NPC1: variants seen among roughly 807,000 people sequenced by gnomAD.
NPC1 encodes NPC intracellular cholesterol transporter 1.
In NPC1, 85 loss-of-function variants were observed where a neutral mutation model predicts 140.4. The observed-to-expected ratio is 0.61, with a 90% confidence interval of 0.51 to 0.72. The LOEUF is 0.72. Ranked by LOEUF, NPC1 falls within the 30% of genes least tolerant of loss-of-function variation. The pLI, the probability that NPC1 is intolerant of heterozygous loss-of-function variation, is 0.00. For synonymous variants in NPC1, 656 were observed against 624.8 expected, an observed-to-expected ratio of 1.05 and a Z score of -0.74; for missense variants, 1,504 against 1,623.8, an observed-to-expected ratio of 0.93 and a Z score of 1.27.
chr18:23,526,141 G>A (rs150805241), downstream of NPC1, among the ~76,000 whole-genome samples: 1 of 152,360 alleles, frequency 6.6e-6, no homozygotes, highest in African/African-American at 2.4e-5. Flanking sequence ...GATGCTGGCA[G>A]TGTGGGTGAT....
At chr18:23,527,653 A>G (rs541824187), downstream of NPC1, 2 of 216,104 alleles carry the variant, frequency 9.3e-6, no homozygotes, top group South Asian at 8.5e-5. Flanking sequence ...TCTAGCTGTC[A>G]GGTCTTTAAA....
chr18:23,560,449 G>A lies in NPC1; in HGVS notation c.663C>T (p.Asn221=), dbSNP rs2059022151. ...DFPVHGMEPM[N]NATKGCDESV... ...ACTCGTCACAGCCTTTGGTGGCATT[G>A]TTCATGGGCTCCATCCCATGGACTG... is the stretch of plus-strand genomic sequence containing the variant. The change falls in exon 6 of 25, where the codon AAC becomes AAT. Residue 221 remains asparagine, a synonymous_variant. Transcript: ENST00000269228. 1.2e-6 allele frequency: 2 copies of A among 1,614,022 alleles called. No homozygotes were observed. Among genetic ancestry groups the A allele is most frequent in the African/African-American group, 2.7e-5 (2 of 74,910 alleles).
rs2058504313 is a variant in NPC1, at chr18:23,531,469, C to A, written c.*733G>T. The A allele has an allele frequency of 7.2e-7, 1 of 1,395,728 alleles. No homozygotes were observed. The allele number at this position is 1,395,728 out of a possible 1,614,324, so 86.5% of individuals were successfully genotyped here. On this transcript the variant is annotated 3_prime_UTR_variant, in exon 25 of 25. Transcript: ENST00000269228. ...TCTTCCATTTAGCTTTTGTATTTGT[C>A]TCTCAAAGCAGATAGGGTAACCCCA... is the stretch of plus-strand genomic sequence containing the variant.
At chr18:23,550,479 C>CTATTTTTTTTTTTTTTTT (rs2058853344) in intron 10 of NPC1, among the ~76,000 whole-genome samples, 2 of 74,920 alleles carry the variant, frequency 2.7e-5, no homozygotes, top group African/African-American at 6.5e-5. Context: ...TCTTACATTT[C>CTATTTTTTTTTTTTTTTT]TTTTTTTTTT....
chr18:23,570,986 G>C (rs562240498), intron 3 of NPC1, among the ~76,000 whole-genome samples: 33 of 152,272 alleles, frequency 2.2e-4, no homozygotes, highest in African/African-American at 7.5e-4. Context: ...ACTGCATGAT[G>C]AGAGTCTCAG....
At chr18:23,532,695 C>CTTTTTTT (rs61493442) in intron 24 of NPC1, among the ~76,000 whole-genome samples, 6 of 136,838 alleles carry the variant, frequency 4.4e-5, no homozygotes, top group Admixed American at 7.4e-5. Flanking sequence ...GTGCTCATCT[C>CTTTTTTT]TTTTTTTTTT....
In NPC1 at chr18:23,532,235, T is replaced by C. The variant is rs1280300361; in HGVS notation, c.3804A>G (p.Lys1268=). 3.1e-6 allele frequency: 5 copies of C among 1,614,080 alleles called. No homozygotes were observed. Among genetic ancestry groups the C allele is most frequent in the Non-Finnish European group, 4.2e-6 (5 of 1,180,046 alleles). Residue 1268 remains lysine, a synonymous_variant, in exon 25 of 25, where the codon AAA becomes AAG. Transcript: ENST00000269228. ...AKSCATEERY[K]GTERERLLNF ...TTAGAAGCCGTTCGCGCTCTGTTCC[T>C]TTGTATCGCTCTTCAGTGGCACAAC...
chr18:23,559,830 T>A (rs928689263), intron 6 of NPC1, among the ~76,000 whole-genome samples: 13 of 152,088 alleles, frequency 8.5e-5, no homozygotes, highest in Admixed American at 2.6e-4. Context: ...TGGTGGCGGA[T>A]GCCTGTAATC....
At chr18:23,510,670 A>T (rs1313807642) in intron 3 of NPC1, among the ~76,000 whole-genome samples, 4 of 152,232 alleles carry the variant, frequency 2.6e-5, no homozygotes, top group Non-Finnish European at 4.4e-5. Context: ...TGGGCAAAGG[A>T]CATGAGCAGA....
At chr18:23,566,574 T>C (rs1299846881) in intron 4 of NPC1, among the ~76,000 whole-genome samples, 1 of 95,272 alleles carries the variant, frequency 1.0e-5, no homozygotes, top group Non-Finnish European at 2.0e-5. Context: ...GTGAGGCCCG[T>C]CTCTTCCAAA....
rs1782029296 is a variant in NPC1 at position 23,560,567 on chromosome 18, T to C, written c.632-87A>G. The C allele has an allele frequency of 5.2e-6, 7 of 1,340,612 alleles. No individual in the cohort carries two copies. In the South Asian group the frequency reaches 8.9e-5, roughly 17 times the overall value. 83.0% of individuals were successfully genotyped at this position (1,340,612 alleles called of 1,614,324 possible). On this transcript the variant is annotated intron_variant, in intron 5 of 24. Coordinates refer to ENST00000269228, the MANE Select transcript of NPC1 (RefSeq NM_000271.5). ...TACTTAAACTCAAAGAAAAGCCCACTGAAATACATAAAACAACTGAAAGAA... is the reference window on the plus strand; with the variant it reads ...TACTTAAACTCAAAGAAAAGCCCACCGAAATACATAAAACAACTGAAAGAA...
chr18:23,538,703 AG>A (rs1390256491), intron 19 of NPC1, 32 bp from the exon 20 acceptor site: 1 of 1,612,416 alleles, frequency 6.2e-7, no homozygotes, highest in African/African-American at 1.3e-5. Flanking sequence ...GACTGTTAGA[AG>A]AATAGGTCTC....
At chr18:23,543,348 A>AG in intron 14 of NPC1, 107 bp downstream of exon 14, 124 of 343,764 alleles carry the variant, frequency 3.6e-4, no homozygotes, top group East Asian at 6.2e-4. Flanking sequence ...AAAAAAAAAG[A>AG]AAAAAAAAAA....
Position 23,531,765 on chromosome 18 carries a change from G to A in NPC1, c.*437C>T. The stretch of plus-strand genomic sequence containing the variant: ...AAAGTTAATTTATTGCATTAATAAA[G>A]CTCTTTAAACTATAAAATGTTATAA... On this transcript the variant is annotated 3_prime_UTR_variant, in exon 25 of 25. Transcript: ENST00000269228. 6 of 1,581,810 alleles carry A rather than the reference G, an allele frequency of 3.8e-6. No homozygotes were observed. The highest frequency in any genetic ancestry group is 4.3e-6 in the Non-Finnish European group (5 of 1,168,996).
At chr18:23,520,042 A>C (rs1364382110), downstream of NPC1, among the ~76,000 whole-genome samples, 1 of 152,210 alleles carries the variant, frequency 6.6e-6, no homozygotes, top group Non-Finnish European at 1.5e-5. Flanking sequence ...GAGAGTTGTG[A>C]TGTTAATGAC....
At chr18:23,529,502 G>C (rs1652376), downstream of NPC1, 1 of 1,236,088 alleles carries the variant, frequency 8.1e-7, no homozygotes, top group African/African-American at 1.5e-5. Context: ...CTGGAGCGAT[G>C]TGTGCAAAAC....
In NPC1 at chr18:23,544,403, G is replaced by C. The variant is rs2058754429; in HGVS notation, c.2071C>G (p.Pro691Ala). 6.2e-6 allele frequency: 10 copies of C among 1,614,152 alleles called. No individual in the cohort carries two copies. Among genetic ancestry groups the C allele is most frequent in the Non-Finnish European group, 8.5e-6 (10 of 1,180,016 alleles). ...ACTCCAACAGCCAGCACCAGGAACG[G>C]GATGACTTCAATCACAATGAGGGTC... The part of the protein sequence containing the change: ...PLTLIVIEVI[P>A]FLVLAVGVDN... Residue 691 changes from proline (P) to alanine (A), a missense_variant, in exon 13 of 25, where the codon CCG (proline) becomes GCG (alanine). Transcript: ENST00000269228.
intron 4 of NPC1, among the ~76,000 whole-genome samples, chr18:23,564,745 AAT>A (rs2059097688): frequency 6.6e-6 from 1 of 152,228 alleles, no homozygotes; most frequent in Admixed American, 6.5e-5. Flanking sequence ...TCAAGTGCCA[AAT>A]ATGAGGCCAT....
In NPC1 at chr18:23,545,064, G is replaced by A. The variant is rs745777805; in HGVS notation, c.1843C>T (p.Arg615Cys). Residue 615 changes from arginine to cysteine, a missense_variant, in exon 12 of 25, where the codon CGT (arginine) becomes TGT (cysteine). Arg to Cys is a radical substitution (Grantham distance 180, BLOSUM62 -3). Transcript: ENST00000269228. Reference protein sequence around the residue: ...AERSIEDELNRESDSDVFTVV... With the variant: ...AERSIEDELNCESDSDVFTVV... ...GTGAAGACATCACTGTCACTTTCAC[G>A]ATTTAGTTCATCTTCAATACTTCGT... The A allele has an allele frequency of 5.8e-5, 94 of 1,610,672 alleles. No individual in the cohort carries two copies. Among genetic ancestry groups the A allele is most frequent in the Non-Finnish European group, 7.6e-5 (89 of 1,177,742 alleles).
Sources: allele counts gnomAD v4.1 joint callset (sites outside exome capture counted in the v4.1 genomes callset), GRCh38; gene constraint gnomAD v4.1.1; transcripts MANE v1.5; gene names NCBI Gene and HGNC (gene_info 2026-07-23, HGNC 2026-07-21).